BCKDHB: variants seen among roughly 807,000 people sequenced by gnomAD.
The protein encoded by BCKDHB is branched chain keto acid dehydrogenase E1 subunit beta.
A neutral mutation model predicts 48.5 loss-of-function variants in BCKDHB; 41 were observed. That is an observed-to-expected ratio of 0.85 (90% CI 0.66 to 1.10). BCKDHB has a LOEUF of 1.10. Among genes scored for constraint, BCKDHB ranks in the 50% least tolerant of loss-of-function variants. The pLI, the probability that BCKDHB is intolerant of heterozygous loss-of-function variation, is 0.00. For missense variants in BCKDHB, 496 were observed against 494.2 expected, an observed-to-expected ratio of 1.00 and a Z score of -0.03; for synonymous variants, 201 against 174.8, an observed-to-expected ratio of 1.15 and a Z score of -1.18.
At chr6:80,220,849 C>A (rs1014196347) in intron 8 of BCKDHB, among the ~76,000 whole-genome samples, 6 of 151,536 alleles carry the variant, frequency 4.0e-5, no homozygotes, top group Non-Finnish European at 5.9e-5. Flanking sequence ...ATTCTCCTGC[C>A]TCAGCCTCCC....
chr6:80,245,228 T>C (rs1190211602), intron 8 of BCKDHB, among the ~76,000 whole-genome samples: 10 of 151,956 alleles, frequency 6.6e-5, no homozygotes, highest in Non-Finnish European at 1.3e-4. Context: ...GAGAGACAGA[T>C]AAGAAACCCA....
chr6:80,448,884 T>C, the BCKDHB span, among the ~76,000 whole-genome samples: 1 of 152,134 alleles, frequency 6.6e-6, no homozygotes, highest in Non-Finnish European at 1.5e-5. Flanking sequence ...AACCTCAATG[T>C]CACGCAAAAT....
rs150131658 is a variant in BCKDHB at position 80,161,129 on chromosome 6, G to T, written c.344-6549G>T. On this transcript the variant is annotated intron_variant, in intron 3 of 9. Coordinates refer to ENST00000320393, the MANE Select transcript of BCKDHB (RefSeq NM_183050.4). ...TGCTGAGCTTGGTTTGCAGCACTTT[G>T]ATTGATATAGATTCCTTCTTGCAAC... is the stretch of plus-strand genomic sequence containing the variant. Among the ~76,000 whole-genome samples, 253 of 152,198 alleles carry T rather than the reference G, an allele frequency of 1.7e-3. 2 individuals are homozygous for T. The highest frequency in any genetic ancestry group is 5.3e-3 in the African/African-American group (221 of 41,542).
At chr6:80,116,185 C>T (rs1341117862) in intron 1 of BCKDHB, among the ~76,000 whole-genome samples, 2 of 152,144 alleles carry the variant, frequency 1.3e-5, no homozygotes, top group African/African-American at 4.8e-5. Flanking sequence ...CTTCTCTTTC[C>T]CTTTAACACT....
chr6:80,254,338 A>G (rs1776959819), intron 8 of BCKDHB, among the ~76,000 whole-genome samples: 1 of 152,038 alleles, frequency 6.6e-6, no homozygotes, highest in South Asian at 2.1e-4. Flanking sequence ...TCTAAATTCT[A>G]TATTATGAAG....
intron 5 of BCKDHB, among the ~76,000 whole-genome samples, chr6:80,170,707 C>G (rs1312937642): frequency 6.6e-6 from 1 of 152,094 alleles, no homozygotes; most frequent in Admixed American, 6.6e-5. Context: ...TCCTGGAGCC[C>G]TTTCCTGTGA....
chr6:80,310,612 G>A lies in BCKDHB; in HGVS notation c.1039-33052G>A, dbSNP rs142788096. Reference sequence around the variant, plus strand: ...GAACCATTTATATTCCTTTGGGTATGTAATCAGTAATGGGATCGCTGGGTC... The same window carrying A: ...GAACCATTTATATTCCTTTGGGTATATAATCAGTAATGGGATCGCTGGGTC... On this transcript the variant is annotated intron_variant, in intron 9 of 9. Coordinates refer to ENST00000320393, the MANE Select transcript of BCKDHB (RefSeq NM_183050.4). 9.1e-4 allele frequency among the ~76,000 whole-genome samples: 139 copies of A among 152,298 alleles called. 2 individuals are homozygous for A. The East Asian group carries it at 0.025, about 28-fold the overall frequency.
the BCKDHB span, among the ~76,000 whole-genome samples, chr6:80,412,829 GA>G: frequency 6.6e-6 from 1 of 152,134 alleles, no homozygotes; most frequent in African/African-American, 2.4e-5. Context: ...TCAATTTTTT[GA>G]GTATGTAATC....
the BCKDHB span, among the ~76,000 whole-genome samples, chr6:80,426,582 TG>T: frequency 6.6e-6 from 1 of 152,128 alleles, no homozygotes; most frequent in Non-Finnish European, 1.5e-5. Context: ...CTTTGACCCA[TG>T]GGTTATTTGG....
intron 2 of BCKDHB, 128 bp downstream of exon 2, chr6:80,127,752 G>A: frequency 1.1e-6 from 1 of 898,362 alleles, no homozygotes; most frequent in Non-Finnish European, 1.9e-6. Flanking sequence ...GGTATGATTG[G>A]GGCTAAATAA....
At chr6:80,440,617 A>ATT in the BCKDHB span, 14 of 135,922 alleles carry the variant, frequency 1.0e-4, no homozygotes, top group East Asian at 8.6e-4. Flanking sequence ...AGCTTGGTAC[A>ATT]TTTTTTTTTT....
At chr6:80,215,316 G>A (rs1023884746) in intron 8 of BCKDHB, among the ~76,000 whole-genome samples, 6 of 152,156 alleles carry the variant, frequency 3.9e-5, no homozygotes, top group African/African-American at 1.4e-4. Flanking sequence ...CTTCCTGTAG[G>A]ATTTTCTTTG....
chr6:80,127,370 C>T, intron 1 of BCKDHB, 177 bp from the exon 2 acceptor site: 1 of 608,120 alleles, frequency 1.6e-6, no homozygotes, highest in East Asian at 3.0e-5. Context: ...CATTAACAAG[C>T]TTCTCCAGGT....
intron 9 of BCKDHB, among the ~76,000 whole-genome samples, chr6:80,337,991 G>T (rs930070589): frequency 7.2e-5 from 11 of 152,172 alleles, no homozygotes; most frequent in Non-Finnish European, 1.6e-4. Context: ...TATATAAGAA[G>T]TAGGAACATA....
At chr6:80,319,753 A>G (rs545087059) in intron 9 of BCKDHB, among the ~76,000 whole-genome samples, 17 of 152,326 alleles carry the variant, frequency 1.1e-4, no homozygotes, top group Non-Finnish European at 1.8e-4. Context: ...TTATGCATGT[A>G]TTTGTAAATC....
chr6:80,371,441 G>A, the BCKDHB span, among the ~76,000 whole-genome samples: 1 of 152,074 alleles, frequency 6.6e-6, no homozygotes, highest in Non-Finnish European at 1.5e-5. Context: ...TGGGTGGTCT[G>A]TTTACTCTGT....
Position 80,343,716 on chromosome 6 carries a change from A to T in BCKDHB, c.1091A>T (p.Asp364Val). The T allele has an allele frequency of 6.2e-7, 1 of 1,613,936 alleles. No homozygotes were observed. The highest frequency in any genetic ancestry group is 1.7e-5 in the Admixed American group (1 of 60,016). Residue 364 changes from aspartate to valine, a missense_variant, in exon 10 of 10, where the codon GAC becomes GTC. By Grantham distance (152) the Asp-to-Val change is radical. Coordinates refer to ENST00000320393, the MANE Select transcript of BCKDHB (RefSeq NM_183050.4). ...CCTATATCAAGAGTATGTGGTTATG[A>T]CACACCATTTCCTCACATTTTTGAA... is the stretch of plus-strand genomic sequence containing the variant. ...EAPISRVCGY[D>V]TPFPHIFEPF... is the part of the protein sequence containing the mutation.
intron 8 of BCKDHB, among the ~76,000 whole-genome samples, chr6:80,234,465 TTAATAA>T (rs968095518): frequency 6.6e-6 from 1 of 152,160 alleles, no homozygotes; most frequent in African/African-American, 2.4e-5. Context: ...GGTTTTGAAC[TTAATAA>T]TAAATGGTGT....
At chr6:80,193,210 T>C (rs1015335863) in intron 6 of BCKDHB, among the ~76,000 whole-genome samples, 1 of 152,260 alleles carries the variant, frequency 6.6e-6, no homozygotes, top group East Asian at 1.9e-4. Context: ...TAATTAATTA[T>C]TGAAGAAAAA....
Sources: allele counts gnomAD v4.1 joint callset (sites outside exome capture counted in the v4.1 genomes callset), GRCh38; gene constraint gnomAD v4.1.1; transcripts MANE v1.5; gene names NCBI Gene and HGNC (gene_info 2026-07-23, HGNC 2026-07-21).